Variants in ESRRB observed in about 807,000 individuals in gnomAD.
ESRRB encodes estrogen related receptor beta, also known as steroid hormone receptor ERR2.
A neutral mutation model predicts 46.0 loss-of-function variants in ESRRB; 16 were observed. The observed-to-expected ratio is 0.35, with a 90% CI of 0.24 to 0.53. ESRRB has a LOEUF of 0.53. Among genes scored for constraint, ESRRB ranks in the 20% least tolerant of loss-of-function variants. The probability of loss-of-function intolerance (pLI) is 0.93; values close to 1 mark genes in which losing one functional copy is unlikely to be tolerated. For synonymous variants in ESRRB, 246 were observed against 259.6 expected (o/e 0.95, Z 0.50); for missense variants, 488 against 607.4 (o/e 0.80, Z 2.07).
chr14:76,364,471 C>A (rs1030128435), intron 1 of ESRRB, among the ~76,000 whole-genome samples: 2 of 151,910 alleles, frequency 1.3e-5, no homozygotes, highest in Admixed American at 6.6e-5. Flanking sequence ...GGTGGATCAC[C>A]TGAGATCAGG....
At chr14:76,332,637 TATTTATATATTATATAA>T (rs1884034700) in intron 1 of ESRRB, among the ~76,000 whole-genome samples, 1 of 49,446 alleles carries the variant, frequency 2.0e-5, no homozygotes, top group Non-Finnish European at 3.3e-5. Context: ...ATATTATATA[TATTTATATATTATATAA>T]ATATATATTA....
chr14:76,394,537 C>T (rs987442533), intron 1 of ESRRB, among the ~76,000 whole-genome samples: 1 of 152,196 alleles, frequency 6.6e-6, no homozygotes, highest in Non-Finnish European at 1.5e-5. Context: ...TGGGAGGGAG[C>T]CTCATTTGCT....
chr14:76,393,967 A>AT (rs71122531), intron 1 of ESRRB, among the ~76,000 whole-genome samples: 32,851 of 126,430 alleles, frequency 0.26, 4,763 homozygotes, highest in East Asian at 0.53. Context: ...TGCCTGGCTA[A>AT]TTTTTTTTTT....
chr14:76,419,097 C>A (rs1247917874), intron 1 of ESRRB, among the ~76,000 whole-genome samples: 2 of 152,128 alleles, frequency 1.3e-5, no homozygotes, highest in African/African-American at 4.8e-5. Flanking sequence ...TCACTACAAC[C>A]TTCGCCTCTC....
intron 1 of ESRRB, among the ~76,000 whole-genome samples, chr14:76,344,383 A>T (rs1884224510): frequency 6.6e-6 from 1 of 152,172 alleles, no homozygotes; most frequent in Non-Finnish European, 1.5e-5. Context: ...CAAGCAGTAC[A>T]CACTGCACCA....
chr14:76,462,727 G>A (rs527771642), intron 3 of ESRRB, 66 bp downstream of exon 3: 6 of 1,188,540 alleles, frequency 5.0e-6, no homozygotes, highest in Non-Finnish European at 7.5e-6. Context: ...TTTGTCCCCT[G>A]TGAGACACCC....
At chr14:76,423,587 G>A (rs1315141114) in intron 1 of ESRRB, among the ~76,000 whole-genome samples, 2 of 152,058 alleles carry the variant, frequency 1.3e-5, no homozygotes, top group East Asian at 1.9e-4. Context: ...TCCTCTTCTC[G>A]GACCTTGATC....
intron 1 of ESRRB, among the ~76,000 whole-genome samples, chr14:76,408,791 T>C (rs570722083): frequency 6.6e-6 from 1 of 152,126 alleles, no homozygotes; most frequent in East Asian, 1.9e-4. Flanking sequence ...GCATTCTACA[T>C]GAAAGGTGTG....
chr14:76,358,874 T>C (rs1301360671), intron 1 of ESRRB, among the ~76,000 whole-genome samples: 1 of 148,228 alleles, frequency 6.7e-6, no homozygotes, highest in Non-Finnish European at 1.5e-5. Flanking sequence ...GTGGCTCCCA[T>C]GCTTGAGAAT....
upstream of ESRRB, among the ~76,000 whole-genome samples, chr14:76,375,091 A>G (rs2361329): frequency 0.11 from 16,495 of 152,074 alleles, 1,161 homozygotes; most frequent in East Asian, 0.24. Context: ...TCTGCAGAAT[A>G]TAGGAGAATA....
intron 5 of ESRRB, among the ~76,000 whole-genome samples, chr14:76,488,241 A>G (rs899743169): frequency 4.6e-5 from 7 of 152,216 alleles, no homozygotes; most frequent in African/African-American, 1.7e-4. Flanking sequence ...TGTATCACCA[A>G]TTCAGCGCCT....
At chr14:76,465,526 G>A (rs1297825390) in intron 3 of ESRRB, among the ~76,000 whole-genome samples, 2 of 152,172 alleles carry the variant, frequency 1.3e-5, no homozygotes, top group Non-Finnish European at 2.9e-5. Context: ...GGTGGACACT[G>A]TGTGTCCCAG....
intron 1 of ESRRB, among the ~76,000 whole-genome samples, chr14:76,400,241 G>A (rs1464493721): frequency 1.3e-5 from 2 of 152,202 alleles, no homozygotes; most frequent in Non-Finnish European, 2.9e-5. Context: ...TTCCTTCTGG[G>A]AAAACTTCTA....
rs559660449 is a variant in ESRRB, at chr14:76,361,417, A to G, written c.2+50501A>G. ...TAGCCATTATCTCTCCATTACCTCCAAAGTTTCCTTTGGAGCAGAAAAAGC... is the reference window on the plus strand; with the variant it reads ...TAGCCATTATCTCTCCATTACCTCCGAAGTTTCCTTTGGAGCAGAAAAAGC... On this transcript the variant is annotated intron_variant, in intron 1 of 6. Transcript: ENST00000512784. Among the ~76,000 whole-genome samples, 3 of 152,328 alleles carry G rather than the reference A, an allele frequency of 2.0e-5. No individual in the cohort carries two copies. The South Asian group carries it at 6.2e-4, about 32-fold the overall frequency.
rs1887831414 is a variant in ESRRB at position 76,439,618 on chromosome 14, A to T, written c.328A>T (p.Ile110Phe). The T allele has an allele frequency of 6.2e-7, 1 of 1,614,218 alleles. No individual in the cohort carries two copies. Among genetic ancestry groups the T allele is most frequent in the African/African-American group, 1.3e-5 (1 of 75,072 alleles). Residue 110 changes from isoleucine to phenylalanine, a missense_variant, in exon 2 of 7, where the codon ATC becomes TTC. Transcript: ENST00000644823. Reference protein sequence around the residue: ...CASGIMEDSAIKCEYMLNAIP... With the variant: ...CASGIMEDSAFKCEYMLNAIP... ...CAGCGGCATCATGGAGGACTCGGCC[A>T]TCAAGTGCGAGTACATGCTCAACGC...
At chr14:76,474,266 G>A (rs1054113743) in intron 3 of ESRRB, among the ~76,000 whole-genome samples, 6 of 152,232 alleles carry the variant, frequency 3.9e-5, no homozygotes, top group African/African-American at 1.4e-4. Flanking sequence ...TCAACAGGCA[G>A]ATGAAAGGCA....
At chr14:76,452,606 T>G in intron 2 of ESRRB, among the ~76,000 whole-genome samples, 1 of 130,220 alleles carries the variant, frequency 7.7e-6, no homozygotes, top group Non-Finnish European at 1.6e-5. Flanking sequence ...GGCAACAGAG[T>G]GAGACTCTGT....
chr14:76,331,953 T>C (rs975377915), intron 1 of ESRRB, among the ~76,000 whole-genome samples: 4 of 151,948 alleles, frequency 2.6e-5, no homozygotes, highest in African/African-American at 9.7e-5. Flanking sequence ...CCTGAGAACT[T>C]TGTGGCTTTG....
intron 1 of ESRRB, among the ~76,000 whole-genome samples, chr14:76,379,708 C>T (rs116392105): frequency 6.6e-6 from 1 of 152,050 alleles, no homozygotes; most frequent in Non-Finnish European, 1.5e-5. Context: ...CGCTGGAGGG[C>T]CCCGGTCCCG....
Sources: gnomAD v4.1 joint callset for allele counts (sites outside exome capture counted in the v4.1 genomes callset) on GRCh38, gnomAD v4.1.1 for gene constraint, MANE v1.5 for transcripts, NCBI Gene and HGNC (gene_info 2026-07-23, HGNC 2026-07-21) for gene names.